Variants in IQCH observed in about 807,000 individuals in gnomAD.
IQCH encodes the protein IQ domain-containing protein H.
In IQCH, 98 loss-of-function variants were observed where a neutral mutation model predicts 117.0. The observed-to-expected ratio is 0.84, with a 90% CI of 0.71 to 0.99. The LOEUF (loss-of-function observed/expected upper bound fraction) is 0.99. IQCH is among the 50% of genes least tolerant of loss of function. The pLI, the probability that IQCH is intolerant of heterozygous loss-of-function variation, is 0.00. For missense variants in IQCH, 1,102 were observed against 1,243.8 expected, an observed-to-expected ratio of 0.89 and a Z score of 1.72; for synonymous variants, 412 against 448.2, an observed-to-expected ratio of 0.92 and a Z score of 1.02.
At chr15:67,321,081 T>C (rs1404715072) in intron 4 of IQCH, among the ~76,000 whole-genome samples, 1 of 152,206 alleles carries the variant, frequency 6.6e-6, no homozygotes, top group Non-Finnish European at 1.5e-5. Flanking sequence ...ATAACAATTT[T>C]AATGGAAAAT....
At chr15:67,280,963 A>G (rs770336877) in intron 4 of IQCH, among the ~76,000 whole-genome samples, 31 of 152,006 alleles carry the variant, frequency 2.0e-4, no homozygotes, top group Non-Finnish European at 4.4e-4. Context: ...TCTTTGCCTC[A>G]GCCTCCCAAG....
In IQCH at chr15:67,304,757, G is replaced by T. The variant is rs564765329; in HGVS notation, c.387+25245G>T. 2.6e-5 allele frequency among the ~76,000 whole-genome samples: 4 copies of T among 152,098 alleles called. No individual in the cohort carries two copies. In the East Asian group the frequency reaches 7.7e-4, roughly 29 times the overall value. On this transcript the variant is annotated intron_variant, in intron 4 of 20. Transcript: ENST00000335894. The stretch of plus-strand genomic sequence containing the variant: ...TTTACCAGCAAAAAGAATTAATAGA[G>T]AAATTTTAAATATTGTATTTCTTTG...
In IQCH at chr15:67,431,628, AC is replaced by A. The variant is rs2082020902; in HGVS notation, c.2505+10052del. Among the ~76,000 whole-genome samples the A allele has an allele frequency of 6.6e-6, 1 of 152,140 alleles. No homozygotes were observed. Among genetic ancestry groups the A allele is most frequent in the Non-Finnish European group, 1.5e-5 (1 of 68,024 alleles). ...TAGCAAACCTGCACACGTACCCCGA[AC>A]TTAAAAGTTAAAAAAAAACACACAT... is the stretch of plus-strand genomic sequence containing the variant. On this transcript the variant is annotated intron_variant, in intron 16 of 20. Transcript: ENST00000335894. The surrounding 1 kb of genome is among the most constrained non-coding windows in gnomAD (Gnocchi z 4.8).
chr15:67,465,127 G>A lies in IQCH; in HGVS notation c.2506G>A (p.Val836Met), dbSNP rs1265959247. The change falls in exon 17 of 21, where the codon GTG becomes ATG. Residue 836 changes from valine (V) to methionine (M), a missense_variant and splice_region_variant. Physicochemically the swap from Val to Met is conservative, Grantham distance 21. Around this residue, in one of 2 missense-constraint regions of IQCH, gnomAD observed 650 missense variants for 794.3 expected, o/e 0.82. Transcript: ENST00000335894. The surrounding 1 kb of genome is among the most constrained non-coding windows in gnomAD (Gnocchi z 5.9). ...CTTCTACGGCTCCTGTTTTAATCAG[G>A]TGTGGGCAACCGGCCTTAACCTCGC... ...FIDPSTLEQQ[V>M]WATGLNLAYS... The A allele has an allele frequency of 1.9e-6, 3 of 1,613,744 alleles. No homozygotes were observed. Among genetic ancestry groups the A allele is most frequent in the Admixed American group, 1.7e-5 (1 of 59,964 alleles).
At chr15:67,446,700 C>T (rs1367978396) in intron 16 of IQCH, among the ~76,000 whole-genome samples, 3 of 152,150 alleles carry the variant, frequency 2.0e-5, no homozygotes. Flanking sequence ...AAGCTCCACC[C>T]ACGTTTCTGG....
At chr15:67,274,145 C>A (rs1475709417) in intron 3 of IQCH, among the ~76,000 whole-genome samples, 1 of 152,112 alleles carries the variant, frequency 6.6e-6, no homozygotes, top group Non-Finnish European at 1.5e-5. Flanking sequence ...TTGGGATGGT[C>A]TTATTTGGGT....
chr15:67,315,160 C>T (rs557320925), intron 4 of IQCH, among the ~76,000 whole-genome samples: 73 of 152,180 alleles, frequency 4.8e-4, no homozygotes, highest in Non-Finnish European at 8.5e-4. Context: ...GGAGAGCTAT[C>T]ATGGTCAAAC....
At chr15:67,470,597 G>T (rs896003043) in intron 17 of IQCH, among the ~76,000 whole-genome samples, 2 of 152,156 alleles carry the variant, frequency 1.3e-5, no homozygotes, top group Non-Finnish European at 2.9e-5. Flanking sequence ...GAACCATCTA[G>T]AAAAGCTTGA....
rs1294198805 is a variant in IQCH, at chr15:67,406,518, A to G, written c.2097+6213A>G. ...GCCTGGGTGACAGAACAAGACTCCT[A>G]TCTCTAAAAGCAGAAACACCCTGTT... On this transcript the variant is annotated intron_variant, in intron 14 of 20. Transcript: ENST00000335894. This position sits in a 1 kb window ranked among gnomAD's most constrained non-coding sequence, Gnocchi z 4.5. 6.6e-6 allele frequency: 1 copy of G among 152,220 alleles called. No individual in the cohort carries two copies. Among genetic ancestry groups the G allele is most frequent in the African/African-American group, 2.4e-5 (1 of 41,458 alleles). The allele number at this position is 152,220 out of a possible 1,614,324, so 9.4% of individuals were successfully genotyped here. A position where few individuals can be genotyped will look rare whatever the true frequency, so the allele number is the denominator to read the frequency against.
intron 8 of IQCH, among the ~76,000 whole-genome samples, chr15:67,363,278 C>G (rs186585048): frequency 6.6e-6 from 1 of 150,480 alleles, no homozygotes; most frequent in East Asian, 1.9e-4. Flanking sequence ...CTCTCTCACC[C>G]AGGTGGGAGT....
chr15:67,444,530 A>G (rs2082350879), intron 16 of IQCH, among the ~76,000 whole-genome samples: 2 of 152,322 alleles, frequency 1.3e-5, no homozygotes, highest in Middle Eastern at 3.4e-3. Context: ...CCTGCATCTC[A>G]GCAGAGTTTA....
intron 16 of IQCH, among the ~76,000 whole-genome samples, chr15:67,442,760 C>T (rs934843952): frequency 7.9e-5 from 12 of 151,598 alleles, no homozygotes; most frequent in African/African-American, 2.7e-4. Flanking sequence ...TTCACAATTG[C>T]AAAATCATGG....
intron 4 of IQCH, among the ~76,000 whole-genome samples, chr15:67,313,601 A>G (rs1967705545): frequency 6.6e-6 from 1 of 152,152 alleles, no homozygotes; most frequent in Non-Finnish European, 1.5e-5. Context: ...AGGCAGAGGT[A>G]GAGAATAGTG....
chr15:67,289,466 G>A (rs1966680325), intron 4 of IQCH, among the ~76,000 whole-genome samples: 1 of 152,092 alleles, frequency 6.6e-6, no homozygotes, highest in Admixed American at 6.6e-5. Context: ...GAGAATGAGA[G>A]AGTAAGTGAT....
rs929199508 is a variant in IQCH, at chr15:67,493,021, C to T, written c.2862-1237C>T. Among the ~76,000 whole-genome samples, 1 of 152,200 alleles carries T rather than the reference C, an allele frequency of 6.6e-6. No individual in the cohort carries two copies. Among genetic ancestry groups the T allele is most frequent in the Non-Finnish European group, 1.5e-5 (1 of 68,030 alleles). On this transcript the variant is annotated intron_variant, in intron 19 of 20. Coordinates refer to ENST00000335894, the MANE Select transcript of IQCH (RefSeq NM_001031715.3). This position sits in a 1 kb window ranked among gnomAD's most constrained non-coding sequence, Gnocchi z 5.1. ...GAGATTTCAGGCAAGGATGCCTTGA[C>T]CTGCAGGCTAGTTTCAATGGCAGAA...
intron 12 of IQCH, among the ~76,000 whole-genome samples, chr15:67,392,802 A>AAG (rs1158788661): frequency 1.3e-5 from 2 of 151,334 alleles, no homozygotes; most frequent in African/African-American, 4.9e-5. Flanking sequence ...AAAAAAAAAA[A>AAG]AGGATTTCAA....
intron 18 of IQCH, among the ~76,000 whole-genome samples, chr15:67,480,698 G>A (rs2083317299): frequency 6.6e-6 from 1 of 152,128 alleles, no homozygotes; most frequent in Non-Finnish European, 1.5e-5. Flanking sequence ...GCAGAAGGAT[G>A]ACAATTCATG....
intron 4 of IQCH, among the ~76,000 whole-genome samples, chr15:67,328,195 A>G (rs1968499255): frequency 6.6e-6 from 1 of 151,454 alleles, no homozygotes; most frequent in Non-Finnish European, 1.5e-5. Context: ...GTTTGTTATT[A>G]TTGTCTTCAG....
rs1311343746 is a variant in IQCH, at chr15:67,425,190, G to A, written c.2505+3613G>A. Among the ~76,000 whole-genome samples the A allele has an allele frequency of 2.0e-5, 3 of 152,116 alleles. No individual in the cohort carries two copies. The highest frequency in any genetic ancestry group is 4.4e-5 in the Non-Finnish European group (3 of 68,030). ...ACTATAACACAAATGTTGATTTGCTGGAGCTCTTTGTATATTGGAAACTGT... is the reference window on the plus strand; with the variant it reads ...ACTATAACACAAATGTTGATTTGCTAGAGCTCTTTGTATATTGGAAACTGT... On this transcript the variant is annotated intron_variant, in intron 16 of 20. Transcript: ENST00000335894. The surrounding 1 kb of genome is among the most constrained non-coding windows in gnomAD (Gnocchi z 5.5).
Sources: allele counts gnomAD v4.1 joint callset (sites outside exome capture counted in the v4.1 genomes callset), GRCh38; gene constraint gnomAD v4.1.1; regional missense constraint gnomAD v4.1.1; non-coding constraint Gnocchi (gnomAD v3.1); transcripts MANE v1.5; gene names NCBI Gene and HGNC (gene_info 2026-07-23, HGNC 2026-07-21).